ADCY2: variants seen among roughly 807,000 people sequenced by gnomAD.
ADCY2 encodes adenylate cyclase 2, also known as adenylate cyclase type 2.
Under a neutral mutation model 125.2 loss-of-function variants are expected in ADCY2, and 31 were observed. The observed-to-expected ratio is 0.25, with a 90% CI of 0.19 to 0.33. ADCY2 has a LOEUF of 0.33. Ranked by LOEUF, ADCY2 falls within the 10% of genes least tolerant of loss-of-function variation. The pLI is 1.00. For synonymous variants in ADCY2, 512 were observed against 548.4 expected, an observed-to-expected ratio of 0.93 and a Z score of 0.93; for missense variants, 904 against 1,418.2, an observed-to-expected ratio of 0.64 and a Z score of 5.82.
At chr5:7,564,289 T>C (rs1407851719) in intron 3 of ADCY2, among the ~76,000 whole-genome samples, 1 of 152,198 alleles carries the variant, frequency 6.6e-6, no homozygotes, top group Non-Finnish European at 1.5e-5. Context: ...GTTAAGGAGA[T>C]GGCAAATTTA....
At chr5:7,801,091 C>T (rs1744580180) in intron 20 of ADCY2, 1 of 152,184 alleles carries the variant, frequency 6.6e-6, no homozygotes, top group Non-Finnish European at 1.5e-5. Flanking sequence ...CTGTTGTGGC[C>T]TTCACCTGGG....
At chr5:7,544,150 CAGAACATT>C (rs1735082578) in intron 3 of ADCY2, among the ~76,000 whole-genome samples, 1 of 151,952 alleles carries the variant, frequency 6.6e-6, no homozygotes, top group African/African-American at 2.4e-5. Flanking sequence ...GCCCACCCAT[CAGAACATT>C]AGCTCCCCAT....
intron 4 of ADCY2, among the ~76,000 whole-genome samples, chr5:7,659,867 T>C (rs915631355): frequency 2.6e-5 from 4 of 152,196 alleles, no homozygotes; most frequent in African/African-American, 9.7e-5. Flanking sequence ...GTGTGCCTAA[T>C]AAATTGGCTA....
chr5:7,661,790 G>A (rs548550829), intron 4 of ADCY2, among the ~76,000 whole-genome samples: 4 of 152,272 alleles, frequency 2.6e-5, no homozygotes, highest in African/African-American at 9.6e-5. Flanking sequence ...AAGACTCATT[G>A]AATCTTTATT....
At chr5:7,616,923 G>C (rs1253340132) in intron 3 of ADCY2, among the ~76,000 whole-genome samples, 1 of 152,130 alleles carries the variant, frequency 6.6e-6, no homozygotes, top group Non-Finnish European at 1.5e-5. Context: ...AGAGACACCA[G>C]GGTTGTGTGC....
intron 2 of ADCY2, among the ~76,000 whole-genome samples, chr5:7,457,566 G>T (rs1040028936): frequency 2.6e-5 from 4 of 152,160 alleles, no homozygotes; most frequent in Admixed American, 1.3e-4. Flanking sequence ...AGCATCAAGC[G>T]GTGGTGGGAA....
chr5:7,741,331 C>T (rs1201078787), intron 14 of ADCY2, among the ~76,000 whole-genome samples: 2 of 152,076 alleles, frequency 1.3e-5, no homozygotes, highest in Non-Finnish European at 2.9e-5. Context: ...AGAAGTATAA[C>T]TTGGGCAAGT....
At chr5:7,774,594 G>A (rs1274989610) in intron 18 of ADCY2, among the ~76,000 whole-genome samples, 1 of 152,208 alleles carries the variant, frequency 6.6e-6, no homozygotes, top group Non-Finnish European at 1.5e-5. Context: ...CCTCAGTGGG[G>A]CGCTTGAAGA....
intron 2 of ADCY2, among the ~76,000 whole-genome samples, chr5:7,444,338 A>G (rs1361263498): frequency 2.0e-5 from 3 of 151,770 alleles, no homozygotes; most frequent in African/African-American, 7.3e-5. Context: ...GATGGTCTCA[A>G]TCTCCTGACC....
chr5:7,696,036 CAG>C (rs1740881283), intron 6 of ADCY2, among the ~76,000 whole-genome samples, 173 bp downstream of exon 6: 1 of 152,136 alleles, frequency 6.6e-6, no homozygotes, highest in Non-Finnish European at 1.5e-5. Context: ...AAACCTGTCT[CAG>C]GGATGAAAAA....
intron 2 of ADCY2, among the ~76,000 whole-genome samples, chr5:7,439,035 C>T (rs981529814): frequency 6.6e-6 from 1 of 152,194 alleles, no homozygotes. Context: ...AGTACCTGGA[C>T]ACTGTGAGTG....
At chr5:7,535,228 A>G (rs1335345875) in intron 3 of ADCY2, among the ~76,000 whole-genome samples, 3 of 152,212 alleles carry the variant, frequency 2.0e-5, no homozygotes, top group Admixed American at 6.5e-5. Flanking sequence ...TTATTAATAG[A>G]GACGGGGTTT....
intron 2 of ADCY2, among the ~76,000 whole-genome samples, chr5:7,514,207 T>A (rs1455372413): frequency 6.6e-6 from 1 of 152,158 alleles, no homozygotes; most frequent in Non-Finnish European, 1.5e-5. Context: ...ACTGTGAAAG[T>A]CCATGGACCT....
intron 22 of ADCY2, among the ~76,000 whole-genome samples, chr5:7,805,651 G>A (rs1744737994): frequency 6.6e-6 from 1 of 152,096 alleles, no homozygotes; most frequent in Non-Finnish European, 1.5e-5. Flanking sequence ...TCAAAGAGAA[G>A]AAGGGTTGAG....
chr5:7,785,581 A>G (rs1441682143), intron 19 of ADCY2, among the ~76,000 whole-genome samples: 4 of 149,654 alleles, frequency 2.7e-5, no homozygotes, highest in Non-Finnish European at 5.9e-5. Context: ...CCTGCAACCC[A>G]TTTTTCTTTT....
At chr5:7,564,801 A>G (rs1047412233) in intron 3 of ADCY2, among the ~76,000 whole-genome samples, 1 of 152,168 alleles carries the variant, frequency 6.6e-6, no homozygotes, top group Admixed American at 6.6e-5. Flanking sequence ...AGCATAGCGA[A>G]TGTCACCCCA....
At chr5:7,406,206 A>T (rs943493738) in intron 1 of ADCY2, among the ~76,000 whole-genome samples, 2 of 152,094 alleles carry the variant, frequency 1.3e-5, no homozygotes, top group Admixed American at 6.5e-5. Flanking sequence ...TTTTCAGGAG[A>T]GATGACCCTA....
intron 3 of ADCY2, among the ~76,000 whole-genome samples, chr5:7,547,180 C>A (rs1448820571): frequency 2.6e-5 from 4 of 152,192 alleles, no homozygotes; most frequent in African/African-American, 9.6e-5. Context: ...GCAGGACCCA[C>A]AGCAGAGACT....
At chr5:7,422,911 G>A (rs548152437) in intron 2 of ADCY2, among the ~76,000 whole-genome samples, 89 of 152,180 alleles carry the variant, frequency 5.8e-4, no homozygotes, top group Admixed American at 2.1e-3. Flanking sequence ...CTTGGAATGC[G>A]ACCAAAGAAT....
Sources: allele counts gnomAD v4.1 joint callset (sites outside exome capture counted in the v4.1 genomes callset), GRCh38; gene constraint gnomAD v4.1.1; transcripts MANE v1.5; gene names NCBI Gene and HGNC (gene_info 2026-07-23, HGNC 2026-07-21).